Variants in TAMM41 observed in about 807,000 individuals in gnomAD.
TAMM41 encodes TAM41 mitochondrial translocator assembly and maintenance homolog.
In TAMM41, 36 loss-of-function variants were observed where a neutral mutation model predicts 44.1. The ratio of observed to expected loss-of-function variants is 0.82; its 90% confidence interval spans 0.63 to 1.08. The LOEUF (loss-of-function observed/expected upper bound fraction) is 1.08. Among genes scored for constraint, TAMM41 ranks in the 50% least tolerant of loss-of-function variants. The probability of loss-of-function intolerance (pLI) is 0.00; values close to 1 mark genes in which losing one functional copy is unlikely to be tolerated. For synonymous variants in TAMM41, 164 were observed against 153.1 expected, an observed-to-expected ratio of 1.07 and a Z score of -0.53; for missense variants, 417 against 404.3, an observed-to-expected ratio of 1.03 and a Z score of -0.27.
chr3:11,744,565 C>G, the TAMM41 span, among the ~76,000 whole-genome samples: 1 of 151,798 alleles, frequency 6.6e-6, no homozygotes, highest in Non-Finnish European at 1.5e-5. Context: ...CATGGTGGCA[C>G]GCACCTGTAA....
At chr3:11,753,828 A>G in the TAMM41 span, among the ~76,000 whole-genome samples, 3 of 152,112 alleles carry the variant, frequency 2.0e-5, no homozygotes, top group African/African-American at 7.2e-5. Context: ...GTGCACCCCA[A>G]TAAAGAAGGA....
At chr3:11,837,191 G>A (rs1217858611) in intron 3 of TAMM41, among the ~76,000 whole-genome samples, 2 of 152,146 alleles carry the variant, frequency 1.3e-5, no homozygotes, top group Non-Finnish European at 2.9e-5. Context: ...ATGGAAATCT[G>A]TCATTTTTCC....
the TAMM41 span, among the ~76,000 whole-genome samples, chr3:11,769,503 T>C: frequency 2.0e-5 from 3 of 152,176 alleles, no homozygotes; most frequent in South Asian, 6.2e-4. Flanking sequence ...ACACAGTCTT[T>C]GTTACAACTT....
rs376931874 is a variant in TAMM41, at chr3:11,842,796, G to A, written c.318+1233C>T. On this transcript the variant is annotated intron_variant, in intron 2 of 7. Coordinates refer to ENST00000455809, the MANE Select transcript of TAMM41 (RefSeq NM_001284401.2). ...TGGGATCTCCAGGTGGCTCGATGCC[G>A]GCCAAAGCCTGACCGCCTTGAACAA... Among the ~76,000 whole-genome samples the A allele has an allele frequency of 3.0e-4, 46 of 152,232 alleles. No homozygotes were observed. In the East Asian group the frequency reaches 8.3e-3, roughly 27 times the overall value.
intron 7 of TAMM41, among the ~76,000 whole-genome samples, chr3:11,800,045 G>T (rs1312738788): frequency 6.6e-6 from 1 of 152,098 alleles, no homozygotes; most frequent in African/African-American, 2.4e-5. Context: ...AATACTAATG[G>T]AATCTGTCAC....
In TAMM41 at chr3:11,844,036, T is replaced by C. The variant is rs1303381050; in HGVS notation, c.311A>G (p.Asn104Ser). The C allele has an allele frequency of 6.2e-7, 1 of 1,614,010 alleles. No individual in the cohort carries two copies. The highest frequency in any genetic ancestry group is 8.5e-7 in the Non-Finnish European group (1 of 1,179,942). Residue 104 changes from asparagine to serine, a missense_variant, in exon 2 of 8, where the codon AAT becomes AGT. By Grantham distance (46) the Asn-to-Ser change is conservative. Transcript: ENST00000455809. ...GVYYNSLIMC[N>S]GRLIKYGVIS... ...AGGCCAGCAGTCACTTACCCTACCA[T>C]TACACATGATCAATGAATTGTAGTA...
chr3:11,786,369 A>G (rs1186196789), downstream of TAMM41, among the ~76,000 whole-genome samples: 1 of 151,052 alleles, frequency 6.6e-6, no homozygotes, highest in Non-Finnish European at 1.5e-5. Context: ...CAGTGGCACG[A>G]TCTTGGCTCA....
chr3:11,809,826 T>C, intron 5 of TAMM41, 144 bp from the exon 6 acceptor site: 2 of 745,672 alleles, frequency 2.7e-6, no homozygotes, highest in East Asian at 2.7e-5. Context: ...GGAAACTCTC[T>C]TTTTCTGAAA....
chr3:11,845,809 A>T (rs760909420), intron 1 of TAMM41, among the ~76,000 whole-genome samples: 4 of 152,068 alleles, frequency 2.6e-5, no homozygotes, highest in Non-Finnish European at 5.9e-5. Context: ...TACAAGGAAA[A>T]CTGTACCCTT....
chr3:11,825,853 G>A (rs1341968919), intron 4 of TAMM41, among the ~76,000 whole-genome samples: 1 of 151,922 alleles, frequency 6.6e-6, no homozygotes, highest in Admixed American at 6.6e-5. Context: ...GTGCAGTGGT[G>A]TGATCATAGT....
the TAMM41 span, chr3:11,771,335 G>T: frequency 1.3e-5 from 2 of 152,274 alleles, no homozygotes; most frequent in Non-Finnish European, 2.9e-5. Flanking sequence ...GACGGGCTGG[G>T]CGTTTTAGAA....
the TAMM41 span, among the ~76,000 whole-genome samples, chr3:11,727,922 G>A: frequency 4.6e-5 from 7 of 151,792 alleles, no homozygotes; most frequent in African/African-American, 1.7e-4. Context: ...GAGTAGCTGG[G>A]ATTACAGGCA....
intron 4 of TAMM41, among the ~76,000 whole-genome samples, chr3:11,820,595 G>A (rs1329107101): frequency 1.3e-5 from 2 of 152,192 alleles, no homozygotes; most frequent in Non-Finnish European, 2.9e-5. Flanking sequence ...TCACTGGTGT[G>A]CAGCTGAACT....
chr3:11,738,293 ACCCCTTTG>A, the TAMM41 span, among the ~76,000 whole-genome samples: 2 of 152,024 alleles, frequency 1.3e-5, no homozygotes, highest in African/African-American at 2.4e-5. Context: ...TCCCAACTCA[ACCCCTTTG>A]CTCGTCTTAG....
Position 11,807,338 on chromosome 3 carries a change from C to A in TAMM41, c.937+495G>T, listed in dbSNP as rs59296084. The A allele has an allele frequency of 3.1e-3, 4,545 of 1,459,566 alleles. 110 individuals carry two copies. In the African/African-American group the frequency reaches 0.054, roughly 17 times the overall value. 90.4% of individuals were successfully genotyped at this position (1,459,566 alleles called of 1,614,324 possible). On this transcript the variant is annotated intron_variant, in intron 7 of 7. Transcript: ENST00000455809. ...TGATGAGGGTGGGTGCCAGAGTTGACTTCTAACCTCCCATAGAGAGAAGTC... is the reference window on the plus strand; with the variant it reads ...TGATGAGGGTGGGTGCCAGAGTTGAATTCTAACCTCCCATAGAGAGAAGTC...
At chr3:11,823,329 C>G (rs2078605104) in intron 4 of TAMM41, among the ~76,000 whole-genome samples, 1 of 147,190 alleles carries the variant, frequency 6.8e-6, no homozygotes, top group East Asian at 2.0e-4. Flanking sequence ...GATCTTGGCT[C>G]ACTGCAACCT....
the TAMM41 span, among the ~76,000 whole-genome samples, chr3:11,727,018 A>C: frequency 2.6e-5 from 4 of 152,118 alleles, no homozygotes; most frequent in African/African-American, 9.7e-5. Context: ...GGAAAGAATA[A>C]GAAATAATCT....
At chr3:11,830,412 A>C (rs1479309884) in intron 3 of TAMM41, among the ~76,000 whole-genome samples, 1 of 152,210 alleles carries the variant, frequency 6.6e-6, no homozygotes, top group Non-Finnish European at 1.5e-5. Context: ...GGTACTTACT[A>C]GCTATGTGAG....
chr3:11,830,061 T>C (rs1256276412), intron 3 of TAMM41, among the ~76,000 whole-genome samples, 197 bp from the exon 4 acceptor site: 1 of 152,180 alleles, frequency 6.6e-6, no homozygotes, highest in South Asian at 2.1e-4. Flanking sequence ...AAAGAAATCA[T>C]GACACAGGAA....
Sources: allele counts gnomAD v4.1 joint callset (sites outside exome capture counted in the v4.1 genomes callset), GRCh38; gene constraint gnomAD v4.1.1; transcripts MANE v1.5; gene names NCBI Gene and HGNC (gene_info 2026-07-23, HGNC 2026-07-21).